The following SHBG variants were observed in gnomAD, a reference collection of about 807,000 sequenced individuals.
The protein encoded by SHBG is sex hormone binding globulin, also known as sex hormone-binding globulin.
Under a neutral mutation model 41.9 loss-of-function variants are expected in SHBG, and 37 were observed. That is an observed-to-expected ratio of 0.88 (90% CI 0.68 to 1.16). SHBG has a LOEUF of 1.16. SHBG is among the 50% of genes most tolerant of loss of function. The pLI, the probability that SHBG is intolerant of heterozygous loss-of-function variation, is 0.00. For synonymous variants in SHBG, 217 were observed against 205.8 expected (o/e 1.05, Z -0.47); for missense variants, 466 against 499.9 (o/e 0.93, Z 0.65).
upstream of SHBG, chr17:7,627,140 T>TA (rs1263714295): frequency 6.2e-7 from 1 of 1,613,960 alleles, no homozygotes; most frequent in East Asian, 2.2e-5. The surrounding 1 kb of genome is among the most constrained non-coding windows in gnomAD (Gnocchi z 4.8). Context: ...CAGGTGCTCT[T>TA]ACCCAGTAGC....
upstream of SHBG, chr17:7,627,940 C>CT: frequency 3.7e-6 from 2 of 544,878 alleles, no homozygotes; most frequent in Non-Finnish European, 6.9e-6. The surrounding 1 kb of genome is among the most constrained non-coding windows in gnomAD (Gnocchi z 4.8). Flanking sequence ...CGCGTCCCCC[C>CT]CAAGCCCCAC....
rs2072474199 is a variant in SHBG, at chr17:7,633,149, C to T, written c.1061-55C>T. 5.0e-6 allele frequency: 8 copies of T among 1,602,976 alleles called. No individual in the cohort carries two copies. The Admixed American group carries it at 1.3e-4, about 27-fold the overall frequency. On this transcript the variant is annotated intron_variant, in intron 7 of 7. Transcript: ENST00000380450. ...GGAGTGGAAAAGTGGGGAGAAGATT[C>T]TGGATCCGAGCCACCTTAATGCTCT... is the stretch of plus-strand genomic sequence containing the variant.
chr17:7,627,231 C>G (rs2072241342), upstream of SHBG: 2 of 1,613,966 alleles, frequency 1.2e-6, no homozygotes, highest in Non-Finnish European at 1.7e-6. The surrounding 1 kb of genome is among the most constrained non-coding windows in gnomAD (Gnocchi z 4.8). Flanking sequence ...TCAGGGCTGC[C>G]GAGATTGGAG....
At chr17:7,622,003 AT>A (rs756865271) in intron 1 of SHBG, among the ~76,000 whole-genome samples, 536 of 139,804 alleles carry the variant, frequency 3.8e-3, no homozygotes, top group Admixed American at 4.3e-3. Flanking sequence ...TGCCCGGCTA[AT>A]TTTTTTTTTT....
rs372691833 is a variant in SHBG, at chr17:7,630,527, C to G, written c.203+20C>G. ...CACAAAGTATGGGGTTGGCCTAGCC[C>G]TTGACCCAGTCCCCTGGTTCTGCCC... On this transcript the variant is annotated intron_variant, in intron 2 of 7. Coordinates refer to ENST00000380450, the MANE Select transcript of SHBG (RefSeq NM_001040.5). The surrounding 1 kb of genome is among the most constrained non-coding windows in gnomAD (Gnocchi z 4.6). 951 of 1,605,324 alleles carry G rather than the reference C, an allele frequency of 5.9e-4. 4 individuals carry two copies. Among genetic ancestry groups the G allele is most frequent in the Non-Finnish European group, 7.1e-4 (827 of 1,172,036 alleles).
At chr17:7,618,267 A>C (rs552956034) in intron 1 of SHBG, among the ~76,000 whole-genome samples, 1 of 150,958 alleles carries the variant, frequency 6.6e-6, no homozygotes. Context: ...ACCTAGCCAC[A>C]CTCTCAATAT....
chr17:7,627,678 A>G (rs773191770), upstream of SHBG: 1 of 1,611,468 alleles, frequency 6.2e-7, no homozygotes. This position sits in a 1 kb window ranked among gnomAD's most constrained non-coding sequence, Gnocchi z 4.8. Context: ...GGGCCTCGCA[A>G]ACGGCAACTA....
intron 5 of SHBG, 64 bp downstream of exon 5, chr17:7,631,812 A>G: frequency 6.2e-7 from 1 of 1,612,468 alleles, no homozygotes; most frequent in Non-Finnish European, 8.5e-7. Context: ...GTCCCCCTCT[A>G]CCACTGGCCC....
At chr17:7,617,528 A>G (rs2072015723) in intron 1 of SHBG, among the ~76,000 whole-genome samples, 1 of 151,852 alleles carries the variant, frequency 6.6e-6, no homozygotes, top group African/African-American at 2.4e-5. Flanking sequence ...GCTTGCACCC[A>G]GGAGGCAGAG....
At position 7,620,379 on chromosome 17, in the gene SHBG, C is replaced by T. The variant is rs190394015; in HGVS notation, c.-62+6268C>T. On this transcript the variant is annotated intron_variant, in intron 1 of 5. Transcript: ENST00000570547. ...TTGCCTAGGCTAGAGTGCAGTGGCA[C>T]GATGTTGGCTCACTGCAACCCCTGC... Among the ~76,000 whole-genome samples the T allele has an allele frequency of 4.9e-4, 74 of 152,230 alleles. 1 individual carries two copies. Among genetic ancestry groups the T allele is most frequent in the African/African-American group, 1.7e-3 (71 of 41,544 alleles).
At chr17:7,625,485 G>A (rs1438768647), upstream of SHBG, among the ~76,000 whole-genome samples, 3 of 151,890 alleles carry the variant, frequency 2.0e-5, no homozygotes, top group African/African-American at 7.2e-5. Flanking sequence ...GCTGAGGCAG[G>A]AGAATGGTGA....
At chr17:7,617,525 C>T (rs759890025) in intron 1 of SHBG, among the ~76,000 whole-genome samples, 11 of 152,026 alleles carry the variant, frequency 7.2e-5, no homozygotes, top group African/African-American at 1.9e-4. Context: ...ATCGCTTGCA[C>T]CCAGGAGGCA....
intron 1 of SHBG, among the ~76,000 whole-genome samples, chr17:7,620,120 C>CAA (rs71159513): frequency 0.035 from 4,636 of 131,964 alleles, 87 homozygotes; most frequent in Non-Finnish European, 0.051. Flanking sequence ...TATCCCTCTC[C>CAA]AAAAAAAAAA....
rs576560542 is a variant in SHBG, at chr17:7,630,552, C to G, written c.203+45C>G. On this transcript the variant is annotated intron_variant, in intron 2 of 7. Transcript: ENST00000380450. This position sits in a 1 kb window ranked among gnomAD's most constrained non-coding sequence, Gnocchi z 4.6. Reference sequence around the variant, plus strand: ...CTTGACCCAGTCCCCTGGTTCTGCCCTCTCTCCATCAGCTCTTCTCTTTTC... The same window carrying G: ...CTTGACCCAGTCCCCTGGTTCTGCCGTCTCTCCATCAGCTCTTCTCTTTTC... 6.4e-6 allele frequency: 10 copies of G among 1,568,154 alleles called. No individual in the cohort carries two copies. In the South Asian group the frequency reaches 1.0e-4, roughly 16 times the overall value.
intron 1 of SHBG, among the ~76,000 whole-genome samples, chr17:7,619,904 C>T (rs1196750575): frequency 1.3e-5 from 2 of 151,848 alleles, no homozygotes; most frequent in East Asian, 3.9e-4. Flanking sequence ...AGTGCAGTGG[C>T]TCAAACATGC....
intron 6 of SHBG, among the ~76,000 whole-genome samples, chr17:7,632,440 CA>C (rs1402889777): frequency 1.3e-5 from 2 of 151,640 alleles, no homozygotes; most frequent in Non-Finnish European, 2.9e-5. Flanking sequence ...GACCCTGTCT[CA>C]AAAAAATAAA....
At chr17:7,620,444 G>A (rs1441348748) in intron 1 of SHBG, among the ~76,000 whole-genome samples, 1 of 152,056 alleles carries the variant, frequency 6.6e-6, no homozygotes, top group Non-Finnish European at 1.5e-5. Context: ...AGCCTCCCAA[G>A]TAGCTTGGAT....
chr17:7,623,533 A>G (rs991767134), upstream of SHBG, among the ~76,000 whole-genome samples: 2 of 152,174 alleles, frequency 1.3e-5, no homozygotes, highest in African/African-American at 4.8e-5. Context: ...TTCTCAGTTC[A>G]CTGTAGCCTC....
At chr17:7,615,539 G>A (rs1021392895) in intron 1 of SHBG, among the ~76,000 whole-genome samples, 8 of 151,076 alleles carry the variant, frequency 5.3e-5, no homozygotes, top group Non-Finnish European at 1.0e-4. Context: ...GGTGGCTCAC[G>A]CCTGTAATCC....
Sources: allele counts gnomAD v4.1 joint callset (sites outside exome capture counted in the v4.1 genomes callset), GRCh38; gene constraint gnomAD v4.1.1; non-coding constraint Gnocchi (gnomAD v3.1); transcripts MANE v1.5; gene names NCBI Gene and HGNC (gene_info 2026-07-23, HGNC 2026-07-21).